BMP6: variants seen among roughly 807,000 people sequenced by gnomAD.
The protein encoded by BMP6 is bone morphogenetic protein 6.
Under a neutral mutation model 54.1 loss-of-function variants are expected in BMP6, and 17 were observed. That is an observed-to-expected ratio of 0.31 (90% CI 0.22 to 0.47). BMP6 has a LOEUF of 0.47. Ranked by LOEUF, BMP6 falls within the 20% of genes least tolerant of loss-of-function variation. BMP6 has a pLI of 1.00. For missense variants in BMP6, 720 were observed against 690.4 expected (o/e 1.04, Z -0.48); for synonymous variants, 328 against 291.2 (o/e 1.13, Z -1.28).
At chr6:7,810,209 A>G (rs1758415915) in intron 1 of BMP6, among the ~76,000 whole-genome samples, 1 of 152,250 alleles carries the variant, frequency 6.6e-6, no homozygotes, top group African/African-American at 2.4e-5. Context: ...TGTTCATCTT[A>G]TCGATAAATA....
At chr6:7,807,521 C>G (rs534321850) in intron 1 of BMP6, among the ~76,000 whole-genome samples, 6 of 152,214 alleles carry the variant, frequency 3.9e-5, no homozygotes, top group African/African-American at 1.4e-4. Flanking sequence ...CCTAGTGATC[C>G]GCCCACCTTG....
At chr6:7,749,286 T>G (rs1423634525) in intron 1 of BMP6, among the ~76,000 whole-genome samples, 1 of 152,242 alleles carries the variant, frequency 6.6e-6, no homozygotes, top group East Asian at 1.9e-4. Context: ...ATTGAGACTC[T>G]TATAAATGAA....
At chr6:7,836,857 G>A (rs921079031) in intron 1 of BMP6, among the ~76,000 whole-genome samples, 1 of 152,204 alleles carries the variant, frequency 6.6e-6, no homozygotes, top group African/African-American at 2.4e-5. Flanking sequence ...CAACATGAAA[G>A]TCAAAAGGCC....
intron 1 of BMP6, among the ~76,000 whole-genome samples, chr6:7,817,656 T>C (rs1758551415): frequency 1.3e-5 from 2 of 151,966 alleles, no homozygotes; most frequent in East Asian, 1.9e-4. Context: ...CACACCAACA[T>C]GGCACATGTA....
chr6:7,841,310 A>C (rs1758965391), intron 1 of BMP6, among the ~76,000 whole-genome samples: 1 of 152,132 alleles, frequency 6.6e-6, no homozygotes. Flanking sequence ...AATGGGTATA[A>C]AGTAGGTACT....
At chr6:7,861,715 C>A in intron 3 of BMP6, 116 bp downstream of exon 3, 1 of 1,401,784 alleles carries the variant, frequency 7.1e-7, no homozygotes, top group Non-Finnish European at 9.8e-7. Context: ...TTCAGGATGG[C>A]CTCATTTACT....
chr6:7,754,188 G>T (rs1026896523), intron 1 of BMP6, among the ~76,000 whole-genome samples: 1 of 152,132 alleles, frequency 6.6e-6, no homozygotes, highest in African/African-American at 2.4e-5. Context: ...TGCAATCACA[G>T]CTCACTGCAG....
chr6:7,794,753 G>A (rs1315914332), intron 1 of BMP6, among the ~76,000 whole-genome samples: 2 of 152,224 alleles, frequency 1.3e-5, no homozygotes, highest in Non-Finnish European at 2.9e-5. Context: ...GTGAGGCAGG[G>A]AGTTGGAAGA....
At position 7,878,172 on chromosome 6, in the gene BMP6, G is replaced by A. The variant is rs57610884; in HGVS notation, c.1205-902G>A. Among the ~76,000 whole-genome samples, 289 of 152,256 alleles carry A rather than the reference G, an allele frequency of 1.9e-3. 2 individuals carry two copies. The highest frequency in any genetic ancestry group is 6.6e-3 in the African/African-American group (275 of 41,534). Reference sequence around the variant, plus strand: ...CTTGCCTGTGTGATATTTGCCTATGGCCTTTGCCCGTAGCATCCATGTTCT... The same window carrying A: ...CTTGCCTGTGTGATATTTGCCTATGACCTTTGCCCGTAGCATCCATGTTCT... On this transcript the variant is annotated intron_variant, in intron 4 of 6. Transcript: ENST00000283147.
At chr6:7,787,458 T>C (rs1758036581) in intron 1 of BMP6, among the ~76,000 whole-genome samples, 1 of 152,224 alleles carries the variant, frequency 6.6e-6, no homozygotes, top group African/African-American at 2.4e-5. Context: ...GCTCAGACAC[T>C]GGATTTTTCC....
chr6:7,738,756 G>A (rs562653356), intron 1 of BMP6, among the ~76,000 whole-genome samples: 1 of 152,266 alleles, frequency 6.6e-6, no homozygotes, highest in Admixed American at 6.5e-5. Context: ...TGTACAGTTC[G>A]ATAAACTTAG....
At chr6:7,750,028 G>A (rs1757399808) in intron 1 of BMP6, among the ~76,000 whole-genome samples, 1 of 152,236 alleles carries the variant, frequency 6.6e-6, no homozygotes. Flanking sequence ...CAGAGGCACA[G>A]ATTCTGGCAA....
intron 1 of BMP6, among the ~76,000 whole-genome samples, chr6:7,791,018 G>C (rs899732294): frequency 6.6e-6 from 1 of 152,044 alleles, no homozygotes; most frequent in African/African-American, 2.4e-5. Flanking sequence ...TCACCCTAAA[G>C]CACATGTGTT....
chr6:7,844,763 C>T (rs1274173929), intron 1 of BMP6, among the ~76,000 whole-genome samples: 6 of 152,098 alleles, frequency 3.9e-5, no homozygotes, highest in Admixed American at 6.5e-5. Flanking sequence ...GATGGGCGGA[C>T]GGGTTCTTCT....
At chr6:7,866,869 C>T (rs1759431983) in intron 4 of BMP6, among the ~76,000 whole-genome samples, 1 of 152,082 alleles carries the variant, frequency 6.6e-6, no homozygotes, top group Non-Finnish European at 1.5e-5. Context: ...ATTAGCATTT[C>T]TTTTTTGTTT....
intron 1 of BMP6, among the ~76,000 whole-genome samples, chr6:7,827,549 T>G (rs1178954405): frequency 6.6e-6 from 1 of 152,212 alleles, no homozygotes; most frequent in Admixed American, 6.5e-5. Context: ...TCCAGCCCAG[T>G]ATTTCCTAAA....
intron 1 of BMP6, among the ~76,000 whole-genome samples, chr6:7,793,579 G>A (rs1368506335): frequency 6.6e-6 from 1 of 152,146 alleles, no homozygotes; most frequent in Non-Finnish European, 1.5e-5. Context: ...GTACCACTTT[G>A]GTGCAGGATG....
intron 1 of BMP6, among the ~76,000 whole-genome samples, chr6:7,796,912 T>C (rs1433040604): frequency 1.3e-5 from 2 of 152,256 alleles, no homozygotes; most frequent in African/African-American, 4.8e-5. Flanking sequence ...TAATTCGTTC[T>C]GTTTCCCAGG....
intron 1 of BMP6, among the ~76,000 whole-genome samples, chr6:7,734,192 C>T (rs1197398134): frequency 6.6e-6 from 1 of 152,156 alleles, no homozygotes; most frequent in Non-Finnish European, 1.5e-5. Context: ...GACACGTATG[C>T]CCCAGCAACA....
Sources: gnomAD v4.1 joint callset for allele counts (sites outside exome capture counted in the v4.1 genomes callset) on GRCh38, gnomAD v4.1.1 for gene constraint, MANE v1.5 for transcripts, NCBI Gene and HGNC (gene_info 2026-07-23, HGNC 2026-07-21) for gene names.